Variants in RFTN2 observed in about 807,000 individuals in gnomAD.
RFTN2 encodes the protein raftlin family member 2, also known as raftlin-2.
A neutral mutation model predicts 52.7 loss-of-function variants in RFTN2; 34 were observed. The observed-to-expected ratio is 0.64, with a 90% CI of 0.49 to 0.86. The LOEUF (loss-of-function observed/expected upper bound fraction) is 0.86, where lower values mean the gene tolerates loss of function less well. RFTN2 is among the 40% of genes least tolerant of loss of function. The pLI is 0.00. For missense variants in RFTN2, 536 were observed against 600.1 expected, an observed-to-expected ratio of 0.89 and a Z score of 1.12; for synonymous variants, 203 against 217.7, an observed-to-expected ratio of 0.93 and a Z score of 0.59.
At chr2:197,647,312 T>C (rs529239783) in intron 1 of RFTN2, among the ~76,000 whole-genome samples, 54 of 152,206 alleles carry the variant, frequency 3.5e-4, no homozygotes, top group Non-Finnish European at 6.9e-4. Flanking sequence ...AGCCCCCACC[T>C]CCCGGGCTCA....
rs142264185 is a variant in RFTN2 at position 197,590,194 on chromosome 2, C to T, written c.1233+5797G>A. On this transcript the variant is annotated intron_variant, in intron 8 of 8. Coordinates refer to ENST00000295049, the MANE Select transcript of RFTN2 (RefSeq NM_144629.3). ...TGCTGAGATTACAGGTGTGAGCCAC[C>T]GCACCTGGCCCCTAAAAACTCTTTG... 1.8e-3 allele frequency among the ~76,000 whole-genome samples: 281 copies of T among 152,164 alleles called. 1 individual carries two copies. The highest frequency in any genetic ancestry group is 6.0e-3 in the African/African-American group (250 of 41,512).
intron 5 of RFTN2, among the ~76,000 whole-genome samples, chr2:197,629,145 C>T (rs1379031395): frequency 2.0e-5 from 3 of 152,284 alleles, no homozygotes; most frequent in Admixed American, 6.5e-5. Flanking sequence ...CACACGTACA[C>T]GTATGTTTAT....
chr2:197,624,117 A>C (rs1248032463), intron 5 of RFTN2, among the ~76,000 whole-genome samples: 2 of 152,150 alleles, frequency 1.3e-5, no homozygotes, highest in Non-Finnish European at 2.9e-5. Flanking sequence ...GGTTTCTTAA[A>C]ATGGAATCTA....
At chr2:197,655,708 C>T (rs2088885249) in intron 1 of RFTN2, among the ~76,000 whole-genome samples, 1 of 152,098 alleles carries the variant, frequency 6.6e-6, no homozygotes, top group Admixed American at 6.6e-5. Flanking sequence ...CCTGTAGTCC[C>T]AGCTACTCAG....
At chr2:197,586,307 C>G (rs1181448507) in intron 8 of RFTN2, among the ~76,000 whole-genome samples, 2 of 152,166 alleles carry the variant, frequency 1.3e-5, no homozygotes, top group African/African-American at 2.4e-5. Context: ...GAACCTCCCC[C>G]TCTAAGCAGT....
At chr2:197,586,798 G>C (rs2087606186) in intron 8 of RFTN2, among the ~76,000 whole-genome samples, 1 of 152,084 alleles carries the variant, frequency 6.6e-6, no homozygotes, top group Non-Finnish European at 1.5e-5. Flanking sequence ...CTCTAGCTGA[G>C]GTTGTCCTCC....
rs993124045 is a variant in RFTN2, at chr2:197,570,577, A to T, written c.*1431T>A. On this transcript the variant is annotated 3_prime_UTR_variant, in exon 9 of 9. Transcript: ENST00000295049. ...CCCCATCTCTACTAAAAATACAAAA[A>T]TTAGCTGGGCGTGGTGGCGCACACT... 6.6e-6 allele frequency: 1 copy of T among 152,206 alleles called. No individual in the cohort carries two copies. The highest frequency in any genetic ancestry group is 2.4e-5 in the African/African-American group (1 of 41,462). The allele number at this position is 152,206 out of a possible 1,614,324, so 9.4% of individuals were successfully genotyped here. A position where few individuals can be genotyped will look rare whatever the true frequency, so the allele number is the denominator to read the frequency against.
At chr2:197,655,561 C>G (rs867331784) in intron 1 of RFTN2, among the ~76,000 whole-genome samples, 1 of 152,178 alleles carries the variant, frequency 6.6e-6, no homozygotes, top group African/African-American at 2.4e-5. Context: ...CTTGGTGGCT[C>G]ACGCCTGTAA....
intron 1 of RFTN2, among the ~76,000 whole-genome samples, chr2:197,670,970 TCTAC>T (rs2089136530): frequency 1.3e-5 from 2 of 152,308 alleles, no homozygotes; most frequent in South Asian, 2.1e-4. Flanking sequence ...ATCTGTCATA[TCTAC>T]CCCTTGTATC....
intron 1 of RFTN2, among the ~76,000 whole-genome samples, chr2:197,673,207 G>A (rs2106279281): frequency 6.6e-6 from 1 of 152,292 alleles, no homozygotes; most frequent in Non-Finnish European, 1.5e-5. Context: ...GGCAGGAGGT[G>A]CCACTATTCA....
rs2087271780 is a variant in RFTN2 at position 197,568,743 on chromosome 2, G to A, written c.*3265C>T. ...AATCCTCTTTAGCCATATGGGGAGG[G>A]AAAGGGCCACAGTCCTTCCAGCCAA... On this transcript the variant is annotated 3_prime_UTR_variant, in exon 9 of 9. Transcript: ENST00000295049. 1 of 152,196 alleles carries A rather than the reference G, an allele frequency of 6.6e-6. No individual in the cohort carries two copies. The highest frequency in any genetic ancestry group is 2.4e-5 in the African/African-American group (1 of 41,456). 9.4% of individuals were successfully genotyped at this position (152,196 alleles called of 1,614,324 possible).
intron 1 of RFTN2, among the ~76,000 whole-genome samples, chr2:197,669,569 G>T (rs1055801006): frequency 6.6e-6 from 1 of 152,150 alleles, no homozygotes; most frequent in Admixed American, 6.5e-5. Flanking sequence ...AGATGAAACT[G>T]TTCCACTTCA....
chr2:197,659,818 C>CAA (rs1292410599), intron 1 of RFTN2, among the ~76,000 whole-genome samples: 1 of 142,628 alleles, frequency 7.0e-6, no homozygotes, highest in South Asian at 2.2e-4. Flanking sequence ...AACTCTGTCT[C>CAA]AAAAAAAAAA....
At chr2:197,659,146 C>CT (rs1457254116) in intron 1 of RFTN2, among the ~76,000 whole-genome samples, 1 of 152,124 alleles carries the variant, frequency 6.6e-6, no homozygotes, top group African/African-American at 2.4e-5. Flanking sequence ...TAGTCCAAGA[C>CT]ATACATATGT....
intron 1 of RFTN2, among the ~76,000 whole-genome samples, chr2:197,652,174 G>A (rs1382017955): frequency 6.6e-6 from 1 of 152,126 alleles, no homozygotes; most frequent in East Asian, 1.9e-4. Flanking sequence ...GGCATGGCTG[G>A]ACAACCCAGA....
chr2:197,654,933 G>A (rs778529494), intron 1 of RFTN2, among the ~76,000 whole-genome samples: 1 of 151,898 alleles, frequency 6.6e-6, no homozygotes, highest in Admixed American at 6.6e-5. Flanking sequence ...GGAGACGGAG[G>A]TTGCAGTGAG....
intron 8 of RFTN2, among the ~76,000 whole-genome samples, chr2:197,582,369 AC>A (rs1256341331): frequency 2.6e-5 from 4 of 151,726 alleles, no homozygotes; most frequent in African/African-American, 9.7e-5. Flanking sequence ...ACCACAGCTG[AC>A]CCCCATAACT....
At chr2:197,610,387 G>A (rs2088036749) in intron 7 of RFTN2, among the ~76,000 whole-genome samples, 1 of 152,148 alleles carries the variant, frequency 6.6e-6, no homozygotes. Context: ...AATTGTGAAT[G>A]GGAGTTCACT....
In RFTN2 at chr2:197,648,209, A is replaced by G. The variant is rs535160739; in HGVS notation, c.140-1543T>C. Among the ~76,000 whole-genome samples the G allele has an allele frequency of 3.9e-5, 6 of 152,346 alleles. No homozygotes were observed. The South Asian group carries it at 6.2e-4, about 16-fold the overall frequency. On this transcript the variant is annotated intron_variant, in intron 1 of 8. Coordinates refer to ENST00000295049, the MANE Select transcript of RFTN2 (RefSeq NM_144629.3). The stretch of plus-strand genomic sequence containing the variant: ...CTCCTCCCCTTACATCAGTATCCAC[A>G]TGATGAGACAAATCCACCATCAGTG...
Sources: gnomAD v4.1 joint callset for allele counts (sites outside exome capture counted in the v4.1 genomes callset) on GRCh38, gnomAD v4.1.1 for gene constraint, MANE v1.5 for transcripts, NCBI Gene and HGNC (gene_info 2026-07-23, HGNC 2026-07-21) for gene names.